Variants in SRGAP1 observed in about 807,000 individuals in gnomAD.
The protein encoded by SRGAP1 is SLIT-ROBO Rho GTPase-activating protein 1.
SRGAP1 carries 43 observed loss-of-function variants against 121.9 expected under a neutral mutation model. That is an observed-to-expected ratio of 0.35 (90% CI 0.28 to 0.46). The LOEUF (loss-of-function observed/expected upper bound fraction) is 0.46. Among genes scored for constraint, SRGAP1 ranks in the 20% least tolerant of loss-of-function variants. The pLI is 1.00. For missense variants in SRGAP1, 1,102 were observed against 1,350.9 expected (o/e 0.82, Z 2.89); for synonymous variants, 447 against 485.4 (o/e 0.92, Z 1.04).
In SRGAP1 at chr12:64,068,232, C is replaced by T. The variant is rs1354363137; in HGVS notation, c.1125+3013C>T. On this transcript the variant is annotated intron_variant, in intron 8 of 21. Transcript: ENST00000355086. ...AGATTGCAGTGAACCGAGATCGTGC[C>T]GCTGCACTCCAGCCTGGGCAACAGA... Among the ~76,000 whole-genome samples the T allele has an allele frequency of 3.8e-4, 56 of 146,534 alleles. 1 individual carries two copies. Among genetic ancestry groups the T allele is most frequent in the African/African-American group, 1.1e-3 (43 of 39,404 alleles).
chr12:63,848,523 G>T (rs1898976865), intron 1 of SRGAP1, among the ~76,000 whole-genome samples: 1 of 151,832 alleles, frequency 6.6e-6, no homozygotes. Flanking sequence ...ATAAGGAGTT[G>T]GAATTCTCTT....
intron 8 of SRGAP1, among the ~76,000 whole-genome samples, chr12:64,071,684 G>A (rs2035638679): frequency 1.3e-5 from 2 of 152,170 alleles, no homozygotes; most frequent in South Asian, 2.1e-4. Context: ...TGAAGGCAGA[G>A]ACTTTGTTCT....
At chr12:63,846,674 A>G (rs955489985) in intron 1 of SRGAP1, among the ~76,000 whole-genome samples, 6 of 152,000 alleles carry the variant, frequency 3.9e-5, no homozygotes, top group African/African-American at 1.2e-4. Context: ...TCTTCCTTCC[A>G]CACACCCACG....
intron 18 of SRGAP1, among the ~76,000 whole-genome samples, chr12:64,123,773 A>G (rs2036643651): frequency 6.6e-6 from 1 of 151,712 alleles, no homozygotes; most frequent in African/African-American, 2.4e-5. Flanking sequence ...GGCCTCCCAA[A>G]GTGCTGGGAT....
chr12:64,086,736 A>C (rs567185361), intron 10 of SRGAP1, among the ~76,000 whole-genome samples: 1 of 151,710 alleles, frequency 6.6e-6, no homozygotes, highest in South Asian at 2.1e-4. Context: ...AAAAAAAAAA[A>C]AAAAAACACA....
At chr12:64,058,948 AG>A (rs1259271661) in intron 6 of SRGAP1, among the ~76,000 whole-genome samples, 1 of 152,156 alleles carries the variant, frequency 6.6e-6, no homozygotes, top group African/African-American at 2.4e-5. Flanking sequence ...GCCTATCAGA[AG>A]TAACAAAATT....
intron 21 of SRGAP1, among the ~76,000 whole-genome samples, chr12:64,137,952 T>TAAAA (rs142595703): frequency 0.032 from 4,403 of 138,878 alleles, 82 homozygotes; most frequent in South Asian, 0.037. Context: ...TAATTGTGCT[T>TAAAA]AAAAAAAAAA....
rs2037115241 is a variant in SRGAP1 at position 64,151,017 on chromosome 12, G to A, written c.*8345G>A. On this transcript the variant is annotated 3_prime_UTR_variant, in exon 22 of 22. Coordinates refer to ENST00000355086, the MANE Select transcript of SRGAP1 (RefSeq NM_020762.4). ...TTGAATTTTGGTCTGTAAGCCCAAA[G>A]ATTGTTACTGTGTTAGTAACTAAAT... The A allele has an allele frequency of 7.4e-6, 1 of 134,736 alleles. No individual in the cohort carries two copies. Among genetic ancestry groups the A allele is most frequent in the Non-Finnish European group, 1.6e-5 (1 of 63,456 alleles). 8.3% of individuals were successfully genotyped at this position (134,736 alleles called of 1,614,324 possible). A position where few individuals can be genotyped will look rare whatever the true frequency, so the allele number is the denominator to read the frequency against.
intron 17 of SRGAP1, among the ~76,000 whole-genome samples, chr12:64,114,862 T>C (rs1225849496): frequency 6.6e-6 from 1 of 152,180 alleles, no homozygotes; most frequent in Non-Finnish European, 1.5e-5. Context: ...CTATGGGTAT[T>C]GCTCATTTTA....
intron 1 of SRGAP1, among the ~76,000 whole-genome samples, chr12:63,863,293 GAC>G: frequency 7.1e-6 from 1 of 139,930 alleles, no homozygotes; most frequent in Admixed American, 7.3e-5. Flanking sequence ...TTTTTTTTGA[GAC>G]AGTGTCTTAC....
chr12:64,114,661 T>G (rs971054122), intron 17 of SRGAP1, among the ~76,000 whole-genome samples: 2 of 152,198 alleles, frequency 1.3e-5, no homozygotes, highest in Non-Finnish European at 2.9e-5. Flanking sequence ...TGGTTAGCAT[T>G]TTTAAATATT....
rs903989643 is a variant in SRGAP1 at position 63,878,277 on chromosome 12, A to G, written c.67+33394A>G. Among the ~76,000 whole-genome samples, 6 of 152,198 alleles carry G rather than the reference A, an allele frequency of 3.9e-5. No individual in the cohort carries two copies. In the East Asian group the frequency reaches 7.7e-4, roughly 20 times the overall value. On this transcript the variant is annotated intron_variant, in intron 1 of 21. Transcript: ENST00000355086. Reference sequence around the variant, plus strand: ...TATTTGAGGCTTTGTGGGCTCTTCAATTTCTGTCACAACTTCTCTATTGTA... The same window carrying G: ...TATTTGAGGCTTTGTGGGCTCTTCAGTTTCTGTCACAACTTCTCTATTGTA...
At chr12:63,949,872 G>C (rs73317341) in intron 1 of SRGAP1, among the ~76,000 whole-genome samples, 2,852 of 152,178 alleles carry the variant, frequency 0.019, 74 homozygotes, top group African/African-American at 0.064. Context: ...AATAAGAAAG[G>C]AATCCAAACT....
At chr12:63,948,530 T>C (rs992305109) in intron 1 of SRGAP1, among the ~76,000 whole-genome samples, 2 of 152,164 alleles carry the variant, frequency 1.3e-5, no homozygotes, top group Non-Finnish European at 2.9e-5. Context: ...ATATGGTCAC[T>C]TCTCCTATGT....
At chr12:64,012,184 A>C (rs964086881) in intron 3 of SRGAP1, among the ~76,000 whole-genome samples, 4 of 152,214 alleles carry the variant, frequency 2.6e-5, no homozygotes, top group Non-Finnish European at 5.9e-5. Flanking sequence ...GAGACTGTTC[A>C]TTTTGGACTT....
At chr12:63,860,828 CTT>C (rs56144118) in intron 1 of SRGAP1, among the ~76,000 whole-genome samples, 41,936 of 145,406 alleles carry the variant, frequency 0.29, 6,805 homozygotes, top group East Asian at 0.55. Flanking sequence ...TTCTTGCCCT[CTT>C]TTTTTTTTTT....
intron 1 of SRGAP1, among the ~76,000 whole-genome samples, chr12:63,909,354 G>A (rs1010928398): frequency 1.3e-5 from 2 of 152,210 alleles, no homozygotes; most frequent in Non-Finnish European, 1.5e-5. Context: ...TTCCACCTAT[G>A]CATCCTACTT....
chr12:64,095,024 T>C, intron 13 of SRGAP1, 32 bp downstream of exon 13: 2 of 1,612,388 alleles, frequency 1.2e-6, no homozygotes. Flanking sequence ...TCTTATTTTT[T>C]AAAAAATCAC....
chr12:63,900,344 T>G (rs1900909829), intron 1 of SRGAP1, among the ~76,000 whole-genome samples: 1 of 151,396 alleles, frequency 6.6e-6, no homozygotes. Flanking sequence ...TAGCTGGGAC[T>G]ACAGGTGCGT....
Sources: gnomAD v4.1 joint callset for allele counts (sites outside exome capture counted in the v4.1 genomes callset) on GRCh38, gnomAD v4.1.1 for gene constraint, MANE v1.5 for transcripts, NCBI Gene and HGNC (gene_info 2026-07-23, HGNC 2026-07-21) for gene names.